The following TMEM163 variants were observed in gnomAD, a reference collection of about 807,000 sequenced individuals.
The protein encoded by TMEM163 is transmembrane protein 163.
In TMEM163, 17 loss-of-function variants were observed where a neutral mutation model predicts 29.3. The ratio of observed to expected loss-of-function variants is 0.58; its 90% CI spans 0.40 to 0.87. The LOEUF (loss-of-function observed/expected upper bound fraction) is 0.87. Ranked by LOEUF, TMEM163 falls within the 40% of genes least tolerant of loss-of-function variation. The pLI, the probability that TMEM163 is intolerant of heterozygous loss-of-function variation, is 0.00. For missense variants in TMEM163, 303 were observed against 381.5 expected (o/e 0.79, Z 1.71); for synonymous variants, 157 against 160.6 (o/e 0.98, Z 0.17).
chr2:134,514,381 ATCTTT>A (rs756155383), intron 4 of TMEM163, among the ~76,000 whole-genome samples: 9 of 103,422 alleles, frequency 8.7e-5, no homozygotes, highest in African/African-American at 4.1e-4. Flanking sequence ...GATACTGATG[ATCTTT>A]TTTTTTTTTT....
At chr2:134,516,470 A>C (rs1320241998) in intron 4 of TMEM163, among the ~76,000 whole-genome samples, 1 of 151,912 alleles carries the variant, frequency 6.6e-6, no homozygotes, top group African/African-American at 2.4e-5. Context: ...TTGAGACAGC[A>C]GAATCACTTG....
At chr2:134,703,363 AGAG>A (rs1409407273) in intron 2 of TMEM163, among the ~76,000 whole-genome samples, 1 of 152,220 alleles carries the variant, frequency 6.6e-6, no homozygotes, top group African/African-American at 2.4e-5. Context: ...AAAATATCAC[AGAG>A]AAGCTGAGGT....
chr2:134,657,733 G>A (rs1683651990), intron 2 of TMEM163, among the ~76,000 whole-genome samples: 1 of 152,180 alleles, frequency 6.6e-6, no homozygotes, highest in African/African-American at 2.4e-5. Flanking sequence ...TATCTGGGAG[G>A]CGGAGGTTGC....
chr2:134,604,280 G>C (rs1682301337), intron 2 of TMEM163, among the ~76,000 whole-genome samples: 2 of 152,142 alleles, frequency 1.3e-5, no homozygotes. Context: ...CCATCTGTGA[G>C]GGGGACGGAC....
intron 2 of TMEM163, among the ~76,000 whole-genome samples, chr2:134,701,452 G>T (rs913961359): frequency 6.6e-6 from 1 of 152,136 alleles, no homozygotes; most frequent in South Asian, 2.1e-4. Context: ...GTAAAAAAGA[G>T]TTCTCCAGAA....
chr2:134,506,700 C>G lies in TMEM163; in HGVS notation c.459-3703G>C, dbSNP rs187932173. Among the ~76,000 whole-genome samples the G allele has an allele frequency of 7.9e-5, 12 of 152,374 alleles. No individual in the cohort carries two copies. The South Asian group carries it at 1.2e-3, about 16-fold the overall frequency. On this transcript the variant is annotated intron_variant, in intron 4 of 7. Transcript: ENST00000281924. ...GCCACATCACGTGCTCACACCACCA[C>G]TGCCCTGGGACTAGTGGTCTCCAGG...
At chr2:134,615,176 TATAAC>T (rs1275411218) in intron 2 of TMEM163, among the ~76,000 whole-genome samples, 1 of 152,184 alleles carries the variant, frequency 6.6e-6, no homozygotes, top group Non-Finnish European at 1.5e-5. Flanking sequence ...ACTAACTTGT[TATAAC>T]ATGTCTAAAC....
chr2:134,569,501 AT>A (rs1681374228), intron 2 of TMEM163, among the ~76,000 whole-genome samples: 1 of 152,228 alleles, frequency 6.6e-6, no homozygotes, highest in Non-Finnish European at 1.5e-5. Context: ...AATGAAACAC[AT>A]ATGAATGAAG....
At chr2:134,648,311 T>TCTTCTCTTCTCTTCTCTTCA (rs1683384490) in intron 2 of TMEM163, among the ~76,000 whole-genome samples, 9 of 146,358 alleles carry the variant, frequency 6.1e-5, no homozygotes, top group Admixed American at 6.1e-4. Context: ...TCTCCTCTTC[T>TCTTCTCTTCTCTTCTCTTCA]CTTCTCTTCT....
chr2:134,657,453 C>T (rs1357280789), intron 2 of TMEM163, among the ~76,000 whole-genome samples: 1 of 152,196 alleles, frequency 6.6e-6, no homozygotes, highest in Non-Finnish European at 1.5e-5. Flanking sequence ...AAACCAAACA[C>T]CACATGTTCT....
intron 2 of TMEM163, among the ~76,000 whole-genome samples, chr2:134,691,980 C>T (rs144816409): frequency 5.9e-5 from 9 of 152,202 alleles, no homozygotes; most frequent in Non-Finnish European, 1.3e-4. Context: ...ATTTCAGAAC[C>T]GTAGCAGGAG....
intron 5 of TMEM163, among the ~76,000 whole-genome samples, chr2:134,473,608 A>G (rs1056135179): frequency 2.0e-5 from 3 of 151,930 alleles, no homozygotes; most frequent in Non-Finnish European, 2.9e-5. Context: ...CAATAAAACC[A>G]AAGACCTTGA....
chr2:134,493,070 G>C (rs1679464311), intron 5 of TMEM163, among the ~76,000 whole-genome samples: 1 of 152,070 alleles, frequency 6.6e-6, no homozygotes, highest in African/African-American at 2.4e-5. Flanking sequence ...GGTTTAATTT[G>C]TTATCCCCCA....
intron 2 of TMEM163, among the ~76,000 whole-genome samples, chr2:134,656,138 T>TC (rs1683604854): frequency 6.9e-6 from 1 of 143,998 alleles, no homozygotes; most frequent in Non-Finnish European, 1.5e-5. Context: ...CGGGCGCCCC[T>TC]CCCCCAGCCT....
At chr2:134,675,115 C>T (rs1313568621) in intron 2 of TMEM163, among the ~76,000 whole-genome samples, 1 of 152,196 alleles carries the variant, frequency 6.6e-6, no homozygotes, top group Non-Finnish European at 1.5e-5. Flanking sequence ...TTTTTATGTA[C>T]TGATTGAATT....
intron 2 of TMEM163, among the ~76,000 whole-genome samples, chr2:134,620,640 A>T (rs1236632630): frequency 6.6e-6 from 1 of 152,236 alleles, no homozygotes; most frequent in African/African-American, 2.4e-5. Context: ...TAAATGAAAT[A>T]TAGTTGAGAG....
chr2:134,675,755 T>C (rs540790753), intron 2 of TMEM163, among the ~76,000 whole-genome samples: 6 of 152,334 alleles, frequency 3.9e-5, no homozygotes, highest in African/African-American at 1.2e-4. Context: ...GCAGCACTAA[T>C]GAACAAATCC....
At chr2:134,685,724 A>C (rs1008320918) in intron 2 of TMEM163, among the ~76,000 whole-genome samples, 1 of 152,204 alleles carries the variant, frequency 6.6e-6, no homozygotes. Flanking sequence ...CACCAAAACT[A>C]AGAATTCTCT....
chr2:134,466,336 G>A lies in TMEM163; in HGVS notation c.556-111C>T, dbSNP rs1686668774. 3 of 818,648 alleles carry A rather than the reference G, an allele frequency of 3.7e-6. No individual in the cohort carries two copies. In the East Asian group the frequency reaches 8.0e-5, roughly 22 times the overall value. The allele number at this position is 818,648 out of a possible 1,614,324, so 50.7% of individuals were successfully genotyped here. A position where few individuals can be genotyped will look rare whatever the true frequency, so the allele number is the denominator to read the frequency against. The stretch of plus-strand genomic sequence containing the variant: ...GTTCCAAGTACAAATAGTCAGGTGT[G>A]CTGCCACCAGGTGGGGGTATACTGC... On this transcript the variant is annotated intron_variant, in intron 5 of 7. Transcript: ENST00000281924.
Sources: allele counts gnomAD v4.1 joint callset (sites outside exome capture counted in the v4.1 genomes callset), GRCh38; gene constraint gnomAD v4.1.1; transcripts MANE v1.5; gene names NCBI Gene and HGNC (gene_info 2026-07-23, HGNC 2026-07-21).